The following SMIM14 variants were observed in gnomAD, a reference collection of about 807,000 sequenced individuals.
SMIM14 encodes the protein chromosome 4 open reading frame 34.
In SMIM14, 5 loss-of-function variants were observed where a neutral mutation model predicts 12.6. The observed-to-expected ratio is 0.40, with a 90% confidence interval of 0.21 to 0.83. The LOEUF (loss-of-function observed/expected upper bound fraction) is 0.83, where lower values mean the gene tolerates loss of function less well. Among genes scored for constraint, SMIM14 ranks in the 40% least tolerant of loss-of-function variants. The probability of loss-of-function intolerance (pLI) is 0.37; values close to 1 mark genes in which losing one functional copy is unlikely to be tolerated. For missense variants in SMIM14, 86 were observed against 119.1 expected (o/e 0.72, Z 1.29); for synonymous variants, 30 against 40.1 (o/e 0.75, Z 0.95).
intron 2 of SMIM14, among the ~76,000 whole-genome samples, chr4:39,590,355 G>A (rs1714003237): frequency 6.6e-6 from 1 of 151,220 alleles, no homozygotes; most frequent in Non-Finnish European, 1.5e-5. Flanking sequence ...GGAAGTTACG[G>A]TGACCCGAGA....
intron 1 of SMIM14, among the ~76,000 whole-genome samples, chr4:39,617,523 ACCCT>A (rs1225261172): frequency 1.3e-5 from 2 of 152,190 alleles, no homozygotes; most frequent in Non-Finnish European, 2.9e-5. Context: ...ACCCTGTCTT[ACCCT>A]CTATCATCAC....
At chr4:39,586,760 A>C (rs577882599) in intron 2 of SMIM14, among the ~76,000 whole-genome samples, 2 of 152,186 alleles carry the variant, frequency 1.3e-5, no homozygotes, top group Admixed American at 1.3e-4. Flanking sequence ...CTTTTTAGTA[A>C]CACTTTTTGT....
chr4:39,583,579 C>G lies in SMIM14; in HGVS notation c.76-11116G>C, dbSNP rs529507638. 1.8e-4 allele frequency among the ~76,000 whole-genome samples: 28 copies of G among 152,194 alleles called. No homozygotes were observed. In the South Asian group the frequency reaches 5.8e-3, roughly 31 times the overall value. On this transcript the variant is annotated intron_variant, in intron 2 of 4. Transcript: ENST00000295958. Reference sequence around the variant, plus strand: ...ATAAAAATAACGCAAACATGACCTTCTTTCTAATGTGGCTCCCTATTGTTC... The same window carrying G: ...ATAAAAATAACGCAAACATGACCTTGTTTCTAATGTGGCTCCCTATTGTTC...
chr4:39,589,667 G>A (rs1713959194), intron 2 of SMIM14: 1 of 152,208 alleles, frequency 6.6e-6, no homozygotes, highest in South Asian at 2.1e-4. Context: ...GGCGAAGCCA[G>A]AAGCAAATTA....
chr4:39,575,212 T>C (rs1713109595), intron 2 of SMIM14, among the ~76,000 whole-genome samples: 1 of 151,978 alleles, frequency 6.6e-6, no homozygotes, highest in Non-Finnish European at 1.5e-5. Context: ...CGCCACATTT[T>C]TGTATTTTTT....
chr4:39,620,492 TTAAAAA>T (rs1715445415), intron 1 of SMIM14, among the ~76,000 whole-genome samples: 1 of 152,096 alleles, frequency 6.6e-6, no homozygotes, highest in African/African-American at 2.4e-5. Flanking sequence ...AAAAAATTAT[TTAAAAA>T]TAAAAATAAT....
chr4:39,579,959 G>A (rs2110020344), intron 2 of SMIM14, among the ~76,000 whole-genome samples: 1 of 151,964 alleles, frequency 6.6e-6, no homozygotes, highest in South Asian at 2.1e-4. Flanking sequence ...AGGAAACTTA[G>A]GCTGGGGAAA....
intron 2 of SMIM14, among the ~76,000 whole-genome samples, chr4:39,582,611 C>G (rs1407292415): frequency 6.6e-6 from 1 of 151,358 alleles, no homozygotes; most frequent in Non-Finnish European, 1.5e-5. Flanking sequence ...TTGCAGTGAG[C>G]CAAGACTGTG....
At chr4:39,630,433 T>C (rs1483735174) in intron 1 of SMIM14, among the ~76,000 whole-genome samples, 1 of 152,194 alleles carries the variant, frequency 6.6e-6, no homozygotes, top group Admixed American at 6.5e-5. Flanking sequence ...AAGCGGACTA[T>C]GGCTACTGCT....
intron 3 of SMIM14, among the ~76,000 whole-genome samples, chr4:39,560,772 T>G (rs568809240): frequency 6.6e-6 from 1 of 151,946 alleles, no homozygotes; most frequent in African/African-American, 2.4e-5. Context: ...CCAAACTGGA[T>G]CTCTGTTCAT....
intron 1 of SMIM14, among the ~76,000 whole-genome samples, chr4:39,609,052 C>T (rs762461365): frequency 6.6e-6 from 1 of 152,196 alleles, no homozygotes; most frequent in African/African-American, 2.4e-5. Flanking sequence ...TCTCGGCTCA[C>T]TGAAACCTCC....
In SMIM14 at chr4:39,582,118, G is replaced by A. The variant is rs1005034101; in HGVS notation, c.76-9655C>T. Among the ~76,000 whole-genome samples the A allele has an allele frequency of 2.0e-5, 3 of 149,822 alleles. No individual in the cohort carries two copies. The South Asian group carries it at 6.4e-4, about 32-fold the overall frequency. On this transcript the variant is annotated intron_variant, in intron 2 of 4. Transcript: ENST00000295958. ...ACTCCCGACCTCAGGTGATCTGCCC[G>A]CCTCGGCCTCCCAAAGTGCTGGGAT...
At position 39,617,360 on chromosome 4, in the gene SMIM14, C is replaced by T. The variant is rs765347655; in HGVS notation, c.-35-12180G>A. Among the ~76,000 whole-genome samples, 4 of 152,266 alleles carry T rather than the reference C, an allele frequency of 2.6e-5. No homozygotes were observed. The East Asian group carries it at 7.7e-4, about 29-fold the overall frequency. On this transcript the variant is annotated intron_variant, in intron 1 of 4. Coordinates refer to ENST00000295958, the MANE Select transcript of SMIM14 (RefSeq NM_174921.3). The stretch of plus-strand genomic sequence containing the variant: ...TACGATTATGTGTTTTCTGAAATTA[C>T]ACCATTTGAATATTTTAACTATTCA...
chr4:39,585,155 T>A (rs2890698), intron 2 of SMIM14, among the ~76,000 whole-genome samples: 3 of 151,704 alleles, frequency 2.0e-5, no homozygotes, highest in Admixed American at 6.6e-5. Context: ...TAATGTGACC[T>A]CTGACAAAAC....
rs188854173 is a variant in SMIM14, at chr4:39,577,998, G to A, written c.76-5535C>T. Among the ~76,000 whole-genome samples the A allele has an allele frequency of 2.5e-3, 376 of 152,222 alleles. 2 individuals carry two copies. Among genetic ancestry groups the A allele is most frequent in the African/African-American group, 8.7e-3 (363 of 41,534 alleles). ...TACCACAACCATATTCCTAGTCCAGGACTTAAGGTTTTTGGCAAAGCAGAG... is the reference window on the plus strand; with the variant it reads ...TACCACAACCATATTCCTAGTCCAGAACTTAAGGTTTTTGGCAAAGCAGAG... On this transcript the variant is annotated intron_variant, in intron 2 of 4. Coordinates refer to ENST00000295958, the MANE Select transcript of SMIM14 (RefSeq NM_174921.3).
At chr4:39,632,949 G>GTATA (rs764600768) in intron 1 of SMIM14, among the ~76,000 whole-genome samples, 11 of 149,642 alleles carry the variant, frequency 7.4e-5, no homozygotes, top group Admixed American at 4.0e-4. Context: ...ATGCAAGTAT[G>GTATA]TATATATATA....
At chr4:39,621,731 C>T (rs1715501113) in intron 1 of SMIM14, among the ~76,000 whole-genome samples, 1 of 140,262 alleles carries the variant, frequency 7.1e-6, no homozygotes, top group African/African-American at 2.6e-5. Context: ...CTTGCTCTGT[C>T]ACCCAGGCTG....
intron 1 of SMIM14, among the ~76,000 whole-genome samples, chr4:39,622,783 T>C (rs1369018511): frequency 6.6e-6 from 1 of 152,214 alleles, no homozygotes; most frequent in Admixed American, 6.5e-5. Flanking sequence ...ACATCTGTTA[T>C]CTCTGGGTGG....
chr4:39,580,949 C>T (rs1217378075), intron 2 of SMIM14, among the ~76,000 whole-genome samples: 2 of 152,010 alleles, frequency 1.3e-5, no homozygotes, highest in Non-Finnish European at 2.9e-5. Flanking sequence ...TATTAATGTA[C>T]ATAAAGAACT....
Sources: allele counts gnomAD v4.1 joint callset (sites outside exome capture counted in the v4.1 genomes callset), GRCh38; gene constraint gnomAD v4.1.1; transcripts MANE v1.5; gene names NCBI Gene and HGNC (gene_info 2026-07-23, HGNC 2026-07-21).